SRP68: variants seen among roughly 807,000 people sequenced by gnomAD.
SRP68 encodes signal recognition particle 68.
In SRP68, 15 loss-of-function variants were observed where a neutral mutation model predicts 82.2. The ratio of observed to expected loss-of-function variants is 0.18; its 90% CI spans 0.12 to 0.28. The LOEUF (loss-of-function observed/expected upper bound fraction) is 0.28, where lower values mean the gene tolerates loss of function less well. Ranked by LOEUF, SRP68 falls within the 10% of genes least tolerant of loss-of-function variation. SRP68 has a pLI of 1.00. For missense variants in SRP68, 595 were observed against 780.5 expected (o/e 0.76, Z 2.83); for synonymous variants, 261 against 292.6 (o/e 0.89, Z 1.10).
rs552171333 is a variant in SRP68 at position 76,064,420 on chromosome 17, G to A, written c.366-249C>T. 1.5e-3 allele frequency among the ~76,000 whole-genome samples: 227 copies of A among 152,086 alleles called. 1 individual carries two copies. The highest frequency in any genetic ancestry group is 2.8e-3 in the Non-Finnish European group (193 of 68,002). On this transcript the variant is annotated intron_variant, in intron 3 of 15. Coordinates refer to ENST00000307877, the MANE Select transcript of SRP68 (RefSeq NM_014230.4). The stretch of plus-strand genomic sequence containing the variant: ...GAAAAGCCTCTACCACCTCAAACAC[G>A]GTAAATCCAGAATCATGACCTACCC...
intron 3 of SRP68, among the ~76,000 whole-genome samples, chr17:76,065,593 A>G (rs569235527): frequency 1.3e-5 from 2 of 152,198 alleles, no homozygotes; most frequent in South Asian, 2.1e-4. Context: ...CTGCCTGAGT[A>G]GCAGCTAACA....
In SRP68 at chr17:76,061,477, G is replaced by T; in HGVS notation, c.644+15C>A. The T allele has an allele frequency of 6.2e-7, 1 of 1,608,832 alleles. No individual in the cohort carries two copies. The highest frequency in any genetic ancestry group is 8.5e-7 in the Non-Finnish European group (1 of 1,176,034). ...TAATTAAAACTGGCCACAGCCTTTG[G>T]ACTATAGGACTTACTTGCATTTGTT... On this transcript the variant is annotated intron_variant, in intron 5 of 15. Transcript: ENST00000307877.
Position 76,072,463 on chromosome 17 carries a change from C to A in SRP68, c.29G>T (p.Gly10Val), listed in dbSNP as rs888245354. The A allele has an allele frequency of 2.5e-6, 4 of 1,581,582 alleles. No homozygotes were observed. The highest frequency in any genetic ancestry group is 1.1e-5 in the South Asian group (1 of 89,190). Residue 10 changes from glycine to valine, a missense_variant, in exon 1 of 16, where the codon GGC becomes GTC. This residue lies in a region of SRP68 where 100 missense variants were observed against 91.9 expected (regional missense o/e 1.09). Coordinates refer to ENST00000307877, the MANE Select transcript of SRP68 (RefSeq NM_014230.4). This position sits in a 1 kb window ranked among gnomAD's most constrained non-coding sequence, Gnocchi z 4.5. MAAEKQVPG[G>V]GGGGGSGGGG... The stretch of plus-strand genomic sequence containing the variant: ...GCCGCCACTGCCGCCGCCGCCGCCG[C>A]CGCCTGGGACCTGCTTCTCAGCAGC...
chr17:76,057,706 GCT>G (rs1407587914), intron 7 of SRP68, among the ~76,000 whole-genome samples, 163 bp from the exon 8 acceptor site: 1 of 152,042 alleles, frequency 6.6e-6, no homozygotes, highest in East Asian at 1.9e-4. Flanking sequence ...AGACAGTCTT[GCT>G]CTGTCACCCA....
Position 76,039,872 on chromosome 17 carries a change from T to G in SRP68, c.1718A>C (p.Asn573Thr). 6.2e-7 allele frequency: 1 copy of G among 1,614,206 alleles called. No individual in the cohort carries two copies. Among genetic ancestry groups the G allele is most frequent in the Non-Finnish European group, 8.5e-7 (1 of 1,180,044 alleles). The change falls in exon 16 of 16, where the codon AAC becomes ACC. Residue 573 changes from asparagine to threonine, a missense_variant. Asn to Thr is a moderately conservative substitution (Grantham distance 65). This residue lies in a region of SRP68 where 495 missense variants were observed against 688.6 expected (regional missense o/e 0.72). Coordinates refer to ENST00000307877, the MANE Select transcript of SRP68 (RefSeq NM_014230.4). ...GAAGCCTGGTGGGAAGTGCACAAGG[T>G]TGGCTTGCTTGGTGACAAGGGAAGG... Reference protein sequence around the residue: ...LDPSLVTKQANLVHFPPGFQP... With the variant: ...LDPSLVTKQATLVHFPPGFQP...
chr17:76,059,270 C>G, intron 7 of SRP68, among the ~76,000 whole-genome samples: 1 of 152,198 alleles, frequency 6.6e-6, no homozygotes, highest in South Asian at 2.1e-4. Context: ...GTAAGCCGGG[C>G]GCGGTGGCTC....
intron 7 of SRP68, among the ~76,000 whole-genome samples, 200 bp from the exon 8 acceptor site, chr17:76,057,743 A>T (rs976909699): frequency 5.6e-5 from 8 of 143,428 alleles, no homozygotes; most frequent in Admixed American, 2.1e-4. Flanking sequence ...GGCGCTATCT[A>T]GGCTCACTGC....
At chr17:76,063,824 G>A (rs1382537480) in intron 4 of SRP68, 152 bp downstream of exon 4, 1 of 526,784 alleles carries the variant, frequency 1.9e-6, no homozygotes, top group Non-Finnish European at 3.2e-6. Flanking sequence ...AACAAAACAT[G>A]CTAACTTCTC....
At chr17:76,040,539 G>A in intron 14 of SRP68, 65 bp from the exon 15 acceptor site, 2 of 1,524,826 alleles carry the variant, frequency 1.3e-6, no homozygotes, top group South Asian at 1.1e-5. Context: ...CACAAATGAG[G>A]CCTATCACAC....
In SRP68 at chr17:76,072,291, C is replaced by A; in HGVS notation, c.184+17G>T. On this transcript the variant is annotated intron_variant, in intron 1 of 15. Coordinates refer to ENST00000307877, the MANE Select transcript of SRP68 (RefSeq NM_014230.4). The surrounding 1 kb of genome is among the most constrained non-coding windows in gnomAD (Gnocchi z 4.5). The stretch of plus-strand genomic sequence containing the variant: ...ACACGTAATCATTGCGAGTTAGGCC[C>A]GATTACTCTAGGATACTCTCCAAAC... The A allele has an allele frequency of 6.2e-7, 1 of 1,608,508 alleles. No individual in the cohort carries two copies. The highest frequency in any genetic ancestry group is 1.4e-5 in the African/African-American group (1 of 73,968).
intron 7 of SRP68, among the ~76,000 whole-genome samples, chr17:76,059,408 G>A (rs941366858): frequency 6.6e-6 from 1 of 152,108 alleles, no homozygotes; most frequent in African/African-American, 2.4e-5. Context: ...CGGGCGTGGT[G>A]GCGGGCGCCT....
intron 2 of SRP68, among the ~76,000 whole-genome samples, chr17:76,069,287 C>T (rs924275536): frequency 6.6e-6 from 1 of 151,776 alleles, no homozygotes; most frequent in Non-Finnish European, 1.5e-5. Context: ...ACTCGGGAGG[C>T]TGAGGCAGGA....
chr17:76,067,373 GTA>G, intron 2 of SRP68, 43 bp from the exon 3 acceptor site: 1 of 1,424,220 alleles, frequency 7.0e-7, no homozygotes, highest in Non-Finnish European at 9.9e-7. Flanking sequence ...CAAGCTGAGA[GTA>G]TTTTGAATAA....
intron 10 of SRP68, among the ~76,000 whole-genome samples, chr17:76,046,696 C>T (rs1378855696): frequency 6.6e-6 from 1 of 152,124 alleles, no homozygotes; most frequent in Non-Finnish European, 1.5e-5. Flanking sequence ...AATCCCAGCA[C>T]TGTAGGAGGC....
At chr17:76,045,478 GA>G (rs34106800) in intron 11 of SRP68, 92 bp from the exon 12 acceptor site, 1,276 of 787,680 alleles carry the variant, frequency 1.6e-3, no homozygotes, top group Middle Eastern at 2.0e-3. Flanking sequence ...CAAGAGTGAG[GA>G]AAAAAAAAAG....
Position 76,063,997 on chromosome 17 carries a change from G to A in SRP68, c.540C>T (p.Ala180=), listed in dbSNP as rs779895833. Reference sequence around the variant, plus strand: ...TAACCTGAGCCTCTAATTTGGTCTTGGCATCCACGCGATTGCTCTCACACA... The same window carrying A: ...TAACCTGAGCCTCTAATTTGGTCTTAGCATCCACGCGATTGCTCTCACACA... The part of the protein sequence containing the change: ...ERLCESNRVD[A]KTKLEAQAYT... Residue 180 remains alanine (A), a synonymous_variant, in exon 4 of 16, where the codon GCC becomes GCT. Transcript: ENST00000307877. 3 of 1,613,812 alleles carry A rather than the reference G, an allele frequency of 1.9e-6. No homozygotes were observed. In the African/African-American group the frequency reaches 4.0e-5, roughly 22 times the overall value.
At chr17:76,059,213 C>A (rs2066733221) in intron 7 of SRP68, among the ~76,000 whole-genome samples, 1 of 152,174 alleles carries the variant, frequency 6.6e-6, no homozygotes, top group Non-Finnish European at 1.5e-5. Flanking sequence ...CAAGCTACTG[C>A]ACTCTGGCCT....
At chr17:76,061,055 A>C (rs751368492) in intron 6 of SRP68, 55 bp downstream of exon 6, 14 of 1,074,222 alleles carry the variant, frequency 1.3e-5, no homozygotes, top group Non-Finnish European at 7.2e-6. Flanking sequence ...TGAGCTCCCA[A>C]TAGGCCATCT....
chr17:76,057,588 AGT>A (rs1185192341), intron 7 of SRP68, 45 bp from the exon 8 acceptor site: 2 of 1,604,352 alleles, frequency 1.2e-6, no homozygotes, highest in Non-Finnish European at 1.7e-6. Context: ...TGGGGATATG[AGT>A]GATGGAGGTG....
Sources: gnomAD v4.1 joint callset for allele counts (sites outside exome capture counted in the v4.1 genomes callset) on GRCh38, gnomAD v4.1.1 for gene constraint, gnomAD v4.1.1 regional missense constraint, Gnocchi (gnomAD v3.1) non-coding constraint, MANE v1.5 for transcripts, NCBI Gene and HGNC (gene_info 2026-07-23, HGNC 2026-07-21) for gene names.